ZNF510: variants seen among roughly 807,000 people sequenced by gnomAD.
ZNF510 encodes zinc finger protein 510.
In ZNF510, 15 loss-of-function variants were observed where a neutral mutation model predicts 18.1. The observed-to-expected ratio is 0.83, with a 90% confidence interval of 0.55 to 1.28. The LOEUF (loss-of-function observed/expected upper bound fraction) is 1.28, where lower values mean the gene tolerates loss of function less well. ZNF510 is among the 50% of genes most tolerant of loss of function. The pLI, the probability that ZNF510 is intolerant of heterozygous loss-of-function variation, is 0.00. For synonymous variants in ZNF510, 261 were observed against 266.4 expected, an observed-to-expected ratio of 0.98 and a Z score of 0.20; for missense variants, 724 against 791.8, an observed-to-expected ratio of 0.91 and a Z score of 1.03.
At chr9:96,773,964 A>T (rs997164662) in intron 3 of ZNF510, among the ~76,000 whole-genome samples, 4 of 152,190 alleles carry the variant, frequency 2.6e-5, no homozygotes, top group Admixed American at 1.3e-4. Context: ...GGGAAAATAA[A>T]TTGCTGTTTA....
intron 3 of ZNF510, among the ~76,000 whole-genome samples, chr9:96,771,794 ATCG>A (rs201177007): frequency 0.01 from 1,566 of 152,286 alleles, 28 homozygotes; most frequent in African/African-American, 0.035. Flanking sequence ...AAAAAAATCC[ATCG>A]TATTTTAATA....
In ZNF510 at chr9:96,763,591, C is replaced by T. The variant is rs1849406768; in HGVS notation, c.171G>A (p.Gln57=). The stretch of plus-strand genomic sequence containing the variant: ...CAGGGGCCATTTGCTGCCACTCCTC[C>T]TGGGTGAATTCTATAGTCACGTCCT... ...SFKDVTIEFT[Q]EEWQQMAPVQ... The change falls in exon 4 of 6, where the codon CAG becomes CAA. Residue 57 remains glutamine (Q), a synonymous_variant. Transcript: ENST00000223428. The T allele has an allele frequency of 1.9e-6, 3 of 1,613,606 alleles. No homozygotes were observed. Among genetic ancestry groups the T allele is most frequent in the Non-Finnish European group, 2.5e-6 (3 of 1,179,776 alleles).
chr9:96,760,542 C>T (rs1168218231), intron 5 of ZNF510, 65 bp from the exon 6 acceptor site: 3 of 1,407,664 alleles, frequency 2.1e-6, no homozygotes, highest in South Asian at 1.5e-5. Context: ...GCTTTATCAA[C>T]ATACAGCCTA....
chr9:96,766,400 A>C (rs1282169690), intron 3 of ZNF510, among the ~76,000 whole-genome samples: 1 of 151,668 alleles, frequency 6.6e-6, no homozygotes, highest in Non-Finnish European at 1.5e-5. Context: ...TTTGTAAATA[A>C]AGTTTTCTTG....
In ZNF510 at chr9:96,776,180, G is replaced by A. The variant is rs796449396; in HGVS notation, c.-111C>T. The A allele has an allele frequency of 4.7e-6, 7 of 1,483,846 alleles. No individual in the cohort carries two copies. The African/African-American group carries it at 5.6e-5, about 12-fold the overall frequency. The allele number at this position is 1,483,846 out of a possible 1,614,324, so 91.9% of individuals were successfully genotyped here. On this transcript the variant is annotated 5_prime_UTR_variant, in exon 2 of 6. Coordinates refer to ENST00000223428, the MANE Select transcript of ZNF510 (RefSeq NM_014930.3). ...TGCATCTGTTTGGAAGCCCTGGTGA[G>A]GAGGTCTCTGTTCTGTCAGAGAGCA...
At chr9:96,769,615 A>G (rs1290915003) in intron 3 of ZNF510, among the ~76,000 whole-genome samples, 3 of 152,330 alleles carry the variant, frequency 2.0e-5, no homozygotes. Context: ...CTTTTGTGCA[A>G]AGGATACCAT....
At position 96,755,176 on chromosome 9, in the gene ZNF510, G is replaced by T. The variant is rs1040234012; in HGVS notation, c.*3602C>A. Among the ~76,000 whole-genome samples the T allele has an allele frequency of 6.6e-6, 1 of 152,198 alleles. No individual in the cohort carries two copies. Among genetic ancestry groups the T allele is most frequent in the East Asian group, 1.9e-4 (1 of 5,194 alleles). On this transcript the variant is annotated 3_prime_UTR_variant, in exon 6 of 6. Transcript: ENST00000223428. ...TCCCAATGACTCAGGCCACCTCGGT[G>T]AATCAGTTCCACCCTACAGGGTTCC...
intron 3 of ZNF510, among the ~76,000 whole-genome samples, chr9:96,771,894 T>C (rs1849592276): frequency 6.6e-6 from 1 of 152,100 alleles, no homozygotes; most frequent in Non-Finnish European, 1.5e-5. Context: ...GGAATAAATA[T>C]AATAAAAGAT....
chr9:96,772,823 A>G (rs1024207808), intron 3 of ZNF510, among the ~76,000 whole-genome samples: 9 of 152,348 alleles, frequency 5.9e-5, no homozygotes, highest in African/African-American at 2.2e-4. Flanking sequence ...AGTATGTATT[A>G]AAACTGAACA....
At chr9:96,763,462 C>G (rs756869826) in intron 4 of ZNF510, 44 bp downstream of exon 4, 1 of 1,555,280 alleles carries the variant, frequency 6.4e-7, no homozygotes, top group East Asian at 2.2e-5. Flanking sequence ...AAAGAAATAC[C>G]TTCTATATGG....
At position 96,776,004 on chromosome 9, in the gene ZNF510, T is replaced by C; in HGVS notation, c.66A>G (p.Glu22=). The C allele has an allele frequency of 2.5e-6, 4 of 1,608,332 alleles. No individual in the cohort carries two copies. Among genetic ancestry groups the C allele is most frequent in the Non-Finnish European group, 3.4e-6 (4 of 1,177,328 alleles). Residue 22 remains glutamate, a synonymous_variant, in exon 2 of 6, where the codon GAA becomes GAG. Coordinates refer to ENST00000223428, the MANE Select transcript of ZNF510 (RefSeq NM_014930.3). ...VTLNTVGQLA[E]GGYPLRFSTL... ...CGCCTCTCAACCCCAGCTTACCACC[T>C]TCTGCAAGTTGGCCCACAGTGTTCA... is the stretch of plus-strand genomic sequence containing the variant.
At chr9:96,765,598 C>T (rs186401939) in intron 3 of ZNF510, among the ~76,000 whole-genome samples, 101 of 151,972 alleles carry the variant, frequency 6.6e-4, no homozygotes, top group Middle Eastern at 3.4e-3. Flanking sequence ...CTGCAACCCC[C>T]GCCTCCCAGG....
At chr9:96,776,270 T>C in intron 1 of ZNF510, 25 bp from the exon 2 acceptor site, 6 of 1,035,642 alleles carry the variant, frequency 5.8e-6, no homozygotes, top group Non-Finnish European at 7.9e-6. Context: ...GCTGCTTTGC[T>C]CCAGAGAAGC....
rs113024421 is a variant in ZNF510 at position 96,773,796 on chromosome 9, G to A, written c.129+992C>T. 1.7e-3 allele frequency among the ~76,000 whole-genome samples: 256 copies of A among 152,202 alleles called. 1 individual carries two copies. The highest frequency in any genetic ancestry group is 0.01 in the Middle Eastern group (3 of 294). On this transcript the variant is annotated intron_variant, in intron 3 of 5. Transcript: ENST00000223428. ...TCACCACGTTGGCCAGGCTGGTCTC[G>A]AACTCCTGACTTCAAGTGATCTGCT...
intron 5 of ZNF510, among the ~76,000 whole-genome samples, chr9:96,761,760 A>G (rs1849352969): frequency 6.6e-6 from 1 of 152,146 alleles, no homozygotes; most frequent in South Asian, 2.1e-4. Flanking sequence ...TCTTTTGGTT[A>G]ATATTATGTT....
At position 96,756,189 on chromosome 9, in the gene ZNF510, C is replaced by T. The variant is rs1032403493; in HGVS notation, c.*2589G>A. ...CAATTAGAATATCAAATATCTAGGC[C>T]ACATCCAGAGCCAAGGCTTAACAAA... On this transcript the variant is annotated 3_prime_UTR_variant, in exon 6 of 6. Transcript: ENST00000223428. The T allele has an allele frequency of 2.0e-5, 3 of 152,114 alleles. No homozygotes were observed. The highest frequency in any genetic ancestry group is 4.4e-5 in the Non-Finnish European group (3 of 68,030). The allele number at this position is 152,114 out of a possible 1,614,324, so 9.4% of individuals were successfully genotyped here. A position where few individuals can be genotyped will look rare whatever the true frequency, so the allele number is the denominator to read the frequency against.
intron 3 of ZNF510, among the ~76,000 whole-genome samples, chr9:96,774,466 C>T (rs1849646291): frequency 6.6e-6 from 1 of 152,214 alleles, no homozygotes; most frequent in South Asian, 2.1e-4. Flanking sequence ...AAGACATTTT[C>T]CCTGACTTTG....
chr9:96,759,497 A>G lies in ZNF510; in HGVS notation c.1333T>C (p.Ser445Pro), dbSNP rs778301692. 8 of 1,613,750 alleles carry G rather than the reference A, an allele frequency of 5.0e-6. No homozygotes were observed. The highest frequency in any genetic ancestry group is 6.8e-6 in the Non-Finnish European group (8 of 1,179,946). Residue 445 changes from serine to proline, a missense_variant, in exon 6 of 6, where the codon TCA (serine) becomes CCA (proline). Physicochemically the swap from Ser to Pro is moderately conservative, Grantham distance 74 (BLOSUM62 -1). Coordinates refer to ENST00000223428, the MANE Select transcript of ZNF510 (RefSeq NM_014930.3). ...SECGKTFSQK[S>P]HLSTHQRIHT... ...ATTCTCTGATGAGTACTGAGGTGTG[A>G]CTTCTGGGAGAAAGTTTTTCCACAT...
In ZNF510 at chr9:96,756,496, T is replaced by C. The variant is rs983720623; in HGVS notation, c.*2282A>G. 2.6e-5 allele frequency: 4 copies of C among 152,196 alleles called. No individual in the cohort carries two copies. Among genetic ancestry groups the C allele is most frequent in the African/African-American group, 9.7e-5 (4 of 41,436 alleles). 9.4% of individuals were successfully genotyped at this position (152,196 alleles called of 1,614,324 possible). ...CTAAGAGACAGCTACTACTATTGCCTATACAGCTGACATACTGTGGGGCCA... is the reference window on the plus strand; with the variant it reads ...CTAAGAGACAGCTACTACTATTGCCCATACAGCTGACATACTGTGGGGCCA... On this transcript the variant is annotated 3_prime_UTR_variant, in exon 6 of 6. Transcript: ENST00000223428.
Sources: gnomAD v4.1 joint callset for allele counts (sites outside exome capture counted in the v4.1 genomes callset) on GRCh38, gnomAD v4.1.1 for gene constraint, MANE v1.5 for transcripts, NCBI Gene and HGNC (gene_info 2026-07-23, HGNC 2026-07-21) for gene names.